CPA6: variants seen among roughly 807,000 people sequenced by gnomAD.
CPA6 encodes the protein carboxypeptidase A6.
In CPA6, 58 loss-of-function variants were observed where a neutral mutation model predicts 63.3. That is an observed-to-expected ratio of 0.92 (90% CI 0.74 to 1.14). The LOEUF is 1.14. Ranked by LOEUF, CPA6 falls within the 50% of genes most tolerant of loss-of-function variation. The pLI, the probability that CPA6 is intolerant of heterozygous loss-of-function variation, is 0.00. For missense variants in CPA6, 565 were observed against 526.6 expected (o/e 1.07, Z -0.71); for synonymous variants, 185 against 179.0 (o/e 1.03, Z -0.27).
At chr8:67,447,386 C>T (rs1810449700) in intron 8 of CPA6, among the ~76,000 whole-genome samples, 1 of 151,924 alleles carries the variant, frequency 6.6e-6, no homozygotes, top group Admixed American at 6.6e-5. Flanking sequence ...GACTACTGAC[C>T]TGAAAGAAAC....
intron 2 of CPA6, among the ~76,000 whole-genome samples, chr8:67,523,196 G>C (rs1812295532): frequency 6.6e-6 from 1 of 152,104 alleles, no homozygotes; most frequent in Non-Finnish European, 1.5e-5. Context: ...AAATATATTT[G>C]TTAGGCTTAA....
chr8:67,706,106 T>C (rs976217746), intron 1 of CPA6, among the ~76,000 whole-genome samples: 2 of 152,136 alleles, frequency 1.3e-5, no homozygotes, highest in Non-Finnish European at 2.9e-5. Context: ...ATAAAAAGAT[T>C]CATGAAAGGA....
At chr8:67,550,670 TC>T (rs1167016187) in intron 2 of CPA6, among the ~76,000 whole-genome samples, 2 of 152,214 alleles carry the variant, frequency 1.3e-5, no homozygotes, top group African/African-American at 4.8e-5. Context: ...GTATAAGCAT[TC>T]CTTTTTCTCC....
chr8:67,475,823 TTTTCTTTCTTTCTTTCTTTCTTTC>T (rs1166367674), intron 8 of CPA6, among the ~76,000 whole-genome samples: 9 of 45,984 alleles, frequency 2.0e-4, no homozygotes, highest in Non-Finnish European at 3.3e-4. Context: ...CTTTCCTTTC[TTTTCTTTCTTTCTTTCTTTCTTTC>T]TTTCTTTCTT....
At chr8:67,729,474 C>A (rs1260109774) in intron 1 of CPA6, among the ~76,000 whole-genome samples, 2 of 152,136 alleles carry the variant, frequency 1.3e-5, no homozygotes, top group African/African-American at 4.8e-5. Context: ...CTTCCATGTG[C>A]CTGTTAATCT....
intron 2 of CPA6, among the ~76,000 whole-genome samples, chr8:67,621,439 A>G (rs913254558): frequency 6.6e-6 from 1 of 152,118 alleles, no homozygotes; most frequent in Non-Finnish European, 1.5e-5. Flanking sequence ...CTTGGCTTCA[A>G]TCCTCTCCAT....
intron 1 of CPA6, among the ~76,000 whole-genome samples, chr8:67,725,236 C>T (rs553092449): frequency 6.6e-6 from 1 of 152,064 alleles, no homozygotes; most frequent in Non-Finnish European, 1.5e-5. Context: ...TGTTTGTTTC[C>T]CTCGTGAAAT....
chr8:67,477,307 A>G (rs1005025918), intron 8 of CPA6, among the ~76,000 whole-genome samples: 1 of 150,364 alleles, frequency 6.7e-6, no homozygotes, highest in African/African-American at 2.4e-5. Flanking sequence ...AAAAAAAAAA[A>G]AAGGAAAAAA....
intron 3 of CPA6, 105 bp downstream of exon 3, chr8:67,517,818 A>G: frequency 8.3e-7 from 1 of 1,205,574 alleles, no homozygotes; most frequent in Non-Finnish European, 1.1e-6. Flanking sequence ...GAAAAATTGT[A>G]CCCAAAACAC....
At chr8:67,721,944 C>T (rs887552251) in intron 1 of CPA6, among the ~76,000 whole-genome samples, 2 of 152,174 alleles carry the variant, frequency 1.3e-5, no homozygotes, top group African/African-American at 4.8e-5. Context: ...CACCGAGTTT[C>T]GGCCAGTCAA....
intron 1 of CPA6, among the ~76,000 whole-genome samples, chr8:67,712,462 G>A (rs1817283560): frequency 6.6e-6 from 1 of 152,136 alleles, no homozygotes. Flanking sequence ...CTGTGGATCT[G>A]CCACAGGGTA....
At chr8:67,440,703 C>T (rs1292010959) in intron 8 of CPA6, among the ~76,000 whole-genome samples, 3 of 152,050 alleles carry the variant, frequency 2.0e-5, no homozygotes, top group African/African-American at 7.2e-5. Context: ...TAAACCTATA[C>T]AGTATATCAT....
At chr8:67,662,344 G>A (rs903251232) in intron 1 of CPA6, among the ~76,000 whole-genome samples, 5 of 151,782 alleles carry the variant, frequency 3.3e-5, no homozygotes, top group African/African-American at 9.7e-5. Context: ...CCAGTTTTGT[G>A]GAACAAGGTC....
intron 2 of CPA6, among the ~76,000 whole-genome samples, chr8:67,563,131 A>C (rs1010277870): frequency 2.0e-5 from 3 of 149,554 alleles, no homozygotes; most frequent in Non-Finnish European, 4.5e-5. Context: ...AAAAAAAAAA[A>C]CACAACCAGG....
chr8:67,568,032 C>T (rs1231403198), intron 2 of CPA6, among the ~76,000 whole-genome samples: 2 of 152,084 alleles, frequency 1.3e-5, no homozygotes, highest in Non-Finnish European at 2.9e-5. Flanking sequence ...AGCTGTCTCA[C>T]CTGAATTCAG....
At position 67,746,358 on chromosome 8, in the gene CPA6, A is replaced by G. The variant is rs1228434584; in HGVS notation, c.-229T>C. On this transcript the variant is annotated 5_prime_UTR_variant, in exon 1 of 11. Transcript: ENST00000297770. The stretch of plus-strand genomic sequence containing the variant: ...ACTTGGTCTTGGGACAAGCAGCAGC[A>G]GCAGCAGCAGCAGCTGAGCCTGATC... The G allele has an allele frequency of 2.7e-6, 1 of 376,386 alleles. No individual in the cohort carries two copies. The highest frequency in any genetic ancestry group is 4.9e-6 in the Non-Finnish European group (1 of 204,984). 23.3% of individuals were successfully genotyped at this position (376,386 alleles called of 1,614,324 possible).
At chr8:67,720,200 C>A (rs2129001603) in intron 1 of CPA6, among the ~76,000 whole-genome samples, 1 of 135,074 alleles carries the variant, frequency 7.4e-6, no homozygotes, top group Non-Finnish European at 1.5e-5. Context: ...CTTTTTGAGC[C>A]AGGATGAGCC....
intron 8 of CPA6, among the ~76,000 whole-genome samples, chr8:67,434,862 CACCCTT>C (rs1362468636): frequency 1.3e-5 from 2 of 152,232 alleles, no homozygotes; most frequent in Non-Finnish European, 2.9e-5. Context: ...AGGCTAAATC[CACCCTT>C]ACCCCTCCTG....
intron 8 of CPA6, among the ~76,000 whole-genome samples, chr8:67,451,952 C>T (rs528987704): frequency 3.9e-5 from 6 of 152,222 alleles, no homozygotes; most frequent in African/African-American, 1.4e-4. Context: ...CAATAAGTCC[C>T]AAGTTGTTTG....
Sources: allele counts gnomAD v4.1 joint callset (sites outside exome capture counted in the v4.1 genomes callset), GRCh38; gene constraint gnomAD v4.1.1; transcripts MANE v1.5; gene names NCBI Gene and HGNC (gene_info 2026-07-23, HGNC 2026-07-21).